Variants in SEMA3C observed in about 807,000 individuals in gnomAD.
The protein encoded by SEMA3C is semaphorin-3C.
In SEMA3C, 47 loss-of-function variants were observed where a neutral mutation model predicts 89.4. The observed-to-expected ratio is 0.53, with a 90% confidence interval of 0.42 to 0.67. SEMA3C has a LOEUF of 0.67. Ranked by LOEUF, SEMA3C falls within the 30% of genes least tolerant of loss-of-function variation. The pLI is 0.00. For synonymous variants in SEMA3C, 310 were observed against 320.2 expected (o/e 0.97, Z 0.34); for missense variants, 839 against 929.1 (o/e 0.90, Z 1.26).
At chr7:80,817,194 G>A (rs1209435254) in intron 5 of SEMA3C, among the ~76,000 whole-genome samples, 1 of 151,912 alleles carries the variant, frequency 6.6e-6, no homozygotes, top group African/African-American at 2.4e-5. Context: ...ATTATAATTA[G>A]TTATTTTTAA....
In SEMA3C at chr7:80,908,184, A is replaced by G. The variant is rs74414574; in HGVS notation, c.103+8495T>C. On this transcript the variant is annotated intron_variant, in intron 2 of 17. Transcript: ENST00000265361. ...AACTGTGATCACATATATTATTTCT[A>G]CTTGACTCAATTACAAGGAAGGTCA... Among the ~76,000 whole-genome samples the G allele has an allele frequency of 1.4e-4, 22 of 152,158 alleles. No homozygotes were observed. The East Asian group carries it at 4.1e-3, about 28-fold the overall frequency.
At chr7:80,905,176 T>C (rs1294083815) in intron 2 of SEMA3C, among the ~76,000 whole-genome samples, 1 of 126,936 alleles carries the variant, frequency 7.9e-6, no homozygotes, top group East Asian at 2.3e-4. Context: ...ATTATGGCCA[T>C]TTTTTTTTTT....
At chr7:80,882,374 T>C (rs1347865431) in intron 2 of SEMA3C, among the ~76,000 whole-genome samples, 1 of 149,996 alleles carries the variant, frequency 6.7e-6, no homozygotes, top group South Asian at 2.1e-4. Flanking sequence ...TAGCGCTGAG[T>C]GAAACCTCAA....
chr7:80,768,314 C>T (rs1461696378), intron 12 of SEMA3C, among the ~76,000 whole-genome samples: 3 of 152,024 alleles, frequency 2.0e-5, no homozygotes, highest in African/African-American at 7.2e-5. Flanking sequence ...GAGATCGAGA[C>T]CATCCTGGCT....
intron 9 of SEMA3C, among the ~76,000 whole-genome samples, chr7:80,802,073 T>G (rs1294154476): frequency 1.3e-5 from 2 of 152,058 alleles, no homozygotes; most frequent in African/African-American, 2.4e-5. Context: ...CCTGGGATAT[T>G]CAGATTAAAA....
intron 2 of SEMA3C, among the ~76,000 whole-genome samples, chr7:80,874,024 GGA>G (rs1272241950): frequency 6.6e-6 from 1 of 152,054 alleles, no homozygotes; most frequent in Non-Finnish European, 1.5e-5. Context: ...TTTTTGGAGT[GGA>G]GACAAAGGTG....
chr7:80,818,288 G>A lies in SEMA3C; in HGVS notation c.447+11C>T. On this transcript the variant is annotated intron_variant, in intron 5 of 17. Coordinates refer to ENST00000265361, the MANE Select transcript of SEMA3C (RefSeq NM_006379.5). ...ATATCAAAACTAAGAATGTTAAATA[G>A]TTATACTTACCTCTGATCTCCTCCC... The A allele has an allele frequency of 1.3e-6, 2 of 1,588,320 alleles. No individual in the cohort carries two copies. Among genetic ancestry groups the A allele is most frequent in the Non-Finnish European group, 1.7e-6 (2 of 1,161,648 alleles).
chr7:80,810,592 T>C lies in SEMA3C; in HGVS notation c.538+19A>G, dbSNP rs1789444478. On this transcript the variant is annotated intron_variant, in intron 6 of 17. Transcript: ENST00000265361. Reference sequence around the variant, plus strand: ...ATGTTATTTTATGTTTAATCCTCCCTCTTTCGTTGTCTACTTACTGATCAT... The same window carrying C: ...ATGTTATTTTATGTTTAATCCTCCCCCTTTCGTTGTCTACTTACTGATCAT... 1 of 1,598,294 alleles carries C rather than the reference T, an allele frequency of 6.3e-7. No homozygotes were observed. The highest frequency in any genetic ancestry group is 8.6e-7 in the Non-Finnish European group (1 of 1,166,802).
intron 12 of SEMA3C, among the ~76,000 whole-genome samples, chr7:80,783,653 A>C (rs1788739125): frequency 1.3e-5 from 2 of 152,222 alleles, no homozygotes; most frequent in African/African-American, 2.4e-5. Flanking sequence ...GTTCTTTAAA[A>C]ATCAAAATTC....
chr7:80,806,266 T>C (rs575862593), intron 6 of SEMA3C, among the ~76,000 whole-genome samples: 19 of 152,112 alleles, frequency 1.2e-4, no homozygotes, highest in Non-Finnish European at 2.4e-4. Context: ...GGGAATTAGA[T>C]TATGATCTTA....
intron 12 of SEMA3C, among the ~76,000 whole-genome samples, chr7:80,772,538 T>C (rs967717550): frequency 7.2e-5 from 11 of 152,122 alleles, no homozygotes; most frequent in African/African-American, 2.2e-4. Context: ...AGAGCCCCAG[T>C]TGGTCATCGA....
At chr7:80,905,955 G>GTTTTT in intron 2 of SEMA3C, 4 of 1,082,718 alleles carry the variant, frequency 3.7e-6, no homozygotes, top group Non-Finnish European at 4.8e-6. Context: ...ATTTTGTTTT[G>GTTTTT]TTTTTTTTTT....
chr7:80,763,709 A>C (rs190165813), intron 13 of SEMA3C, among the ~76,000 whole-genome samples: 1 of 152,352 alleles, frequency 6.6e-6, no homozygotes, highest in East Asian at 1.9e-4. Flanking sequence ...AAGTGCTGCT[A>C]TATGACATTT....
chr7:80,752,762 T>C (rs1289146445), intron 15 of SEMA3C, among the ~76,000 whole-genome samples: 1 of 152,174 alleles, frequency 6.6e-6, no homozygotes, highest in Non-Finnish European at 1.5e-5. Flanking sequence ...GAAGTCGACG[T>C]AGAGCAGCTG....
chr7:80,905,950 G>T, intron 2 of SEMA3C: 4 of 1,223,350 alleles, frequency 3.3e-6, no homozygotes, highest in Non-Finnish European at 2.1e-6. Flanking sequence ...ATGTAATTTT[G>T]TTTTGTTTTT....
At chr7:80,829,181 T>C (rs1789952440) in intron 2 of SEMA3C, among the ~76,000 whole-genome samples, 1 of 152,072 alleles carries the variant, frequency 6.6e-6, no homozygotes, top group Non-Finnish European at 1.5e-5. Context: ...AAAAAAGTTA[T>C]GTTAATGGGC....
At chr7:80,917,562 A>G (rs1792307249) in intron 1 of SEMA3C, among the ~76,000 whole-genome samples, 1 of 152,210 alleles carries the variant, frequency 6.6e-6, no homozygotes, top group Non-Finnish European at 1.5e-5. Flanking sequence ...AAGATAAATC[A>G]AAGAGACAGG....
intron 4 of SEMA3C, among the ~76,000 whole-genome samples, chr7:80,826,086 C>A (rs1432737110): frequency 2.6e-5 from 4 of 152,134 alleles, no homozygotes; most frequent in Non-Finnish European, 5.9e-5. Context: ...AGATCCTACC[C>A]TCCAGAGTCT....
intron 3 of SEMA3C, among the ~76,000 whole-genome samples, chr7:80,828,207 T>C (rs965161928): frequency 6.6e-6 from 1 of 152,208 alleles, no homozygotes; most frequent in Non-Finnish European, 1.5e-5. Flanking sequence ...CTGGATCAAG[T>C]AACAGCGTAT....
Sources: gnomAD v4.1 joint callset for allele counts (sites outside exome capture counted in the v4.1 genomes callset) on GRCh38, gnomAD v4.1.1 for gene constraint, MANE v1.5 for transcripts, NCBI Gene and HGNC (gene_info 2026-07-23, HGNC 2026-07-21) for gene names.